The following RALGAPA2 variants were observed in gnomAD, a reference collection of about 807,000 sequenced individuals.
RALGAPA2 encodes ral GTPase-activating protein subunit alpha-2.
A neutral mutation model predicts 230.4 loss-of-function variants in RALGAPA2; 139 were observed. The ratio of observed to expected loss-of-function variants is 0.60; its 90% CI spans 0.53 to 0.69. The LOEUF (loss-of-function observed/expected upper bound fraction) is 0.69, where lower values mean the gene tolerates loss of function less well. Ranked by LOEUF, RALGAPA2 falls within the 30% of genes least tolerant of loss-of-function variation. The pLI, the probability that RALGAPA2 is intolerant of heterozygous loss-of-function variation, is 0.00. For missense variants in RALGAPA2, 2,163 were observed against 2,276.0 expected, an observed-to-expected ratio of 0.95 and a Z score of 1.01; for synonymous variants, 847 against 837.8, an observed-to-expected ratio of 1.01 and a Z score of -0.19.
intron 37 of RALGAPA2, among the ~76,000 whole-genome samples, chr20:20,468,369 G>A (rs958485140): frequency 1.3e-5 from 2 of 152,142 alleles, no homozygotes; most frequent in Non-Finnish European, 2.9e-5. Flanking sequence ...TCTGGCTGCC[G>A]CTCTTCAATG....
intron 21 of RALGAPA2, 89 bp downstream of exon 21, chr20:20,572,786 G>T: frequency 9.0e-7 from 1 of 1,116,558 alleles, no homozygotes; most frequent in Non-Finnish European, 1.2e-6. Flanking sequence ...TTCGGAATAT[G>T]TTCAGTAGTT....
intron 14 of RALGAPA2, 63 bp downstream of exon 14, chr20:20,611,252 C>A: frequency 6.6e-7 from 1 of 1,512,538 alleles, no homozygotes; most frequent in Non-Finnish European, 8.8e-7. Context: ...ATGATTAAAA[C>A]TAGTTTGCTA....
chr20:20,466,852 A>G (rs1299386477), intron 37 of RALGAPA2, among the ~76,000 whole-genome samples: 1 of 152,224 alleles, frequency 6.6e-6, no homozygotes, highest in Non-Finnish European at 1.5e-5. Flanking sequence ...AGCCCAGTAC[A>G]TAACGTTACA....
chr20:20,477,609 A>G (rs2061680954), intron 36 of RALGAPA2, among the ~76,000 whole-genome samples: 1 of 152,188 alleles, frequency 6.6e-6, no homozygotes, highest in East Asian at 1.9e-4. Context: ...TTTTGGAGAC[A>G]GAGTCTCACT....
intron 37 of RALGAPA2, among the ~76,000 whole-genome samples, chr20:20,417,904 C>T (rs1056869625): frequency 6.6e-6 from 1 of 152,178 alleles, no homozygotes; most frequent in Non-Finnish European, 1.5e-5. Flanking sequence ...AAATTATACA[C>T]AGATTTAGAA....
At chr20:20,436,538 T>C (rs569122768) in intron 37 of RALGAPA2, among the ~76,000 whole-genome samples, 3 of 152,208 alleles carry the variant, frequency 2.0e-5, no homozygotes, top group African/African-American at 7.2e-5. Context: ...GACGGCAAAG[T>C]GTCCCTGCCA....
At chr20:20,661,723 C>T (rs1319451951) in intron 3 of RALGAPA2, among the ~76,000 whole-genome samples, 1 of 152,000 alleles carries the variant, frequency 6.6e-6, no homozygotes, top group African/African-American at 2.4e-5. Flanking sequence ...ATTCCCCTAC[C>T]GAAGACCAAG....
chr20:20,616,045 T>C lies in RALGAPA2; in HGVS notation c.1686A>G (p.Thr562=), dbSNP rs927925708. 6.7e-7 allele frequency: 1 copy of C among 1,494,006 alleles called. No individual in the cohort carries two copies. The highest frequency in any genetic ancestry group is 1.4e-5 in the African/African-American group (1 of 70,720). 92.5% of individuals were successfully genotyped at this position (1,494,006 alleles called of 1,614,324 possible). ...MIMELTMNKK[T]WEQMLQILLR... ...TAATTAATTTGATATAAACTTACCA[T>C]GTCTTTTTATTCATTGTAAGCTCCA... The change falls in exon 13 of 40, where the codon ACA becomes ACG. Residue 562 remains threonine, a splice_region_variant and synonymous_variant. Transcript: ENST00000202677.
At position 20,392,939 on chromosome 20, in the gene RALGAPA2, G is replaced by A. The variant is rs2122580615; in HGVS notation, c.*350C>T. 1 of 593,508 alleles carries A rather than the reference G, an allele frequency of 1.7e-6. No individual in the cohort carries two copies. The highest frequency in any genetic ancestry group is 2.5e-6 in the Non-Finnish European group (1 of 392,170). The allele number at this position is 593,508 out of a possible 1,614,324, so 36.8% of individuals were successfully genotyped here. A position where few individuals can be genotyped will look rare whatever the true frequency, so the allele number is the denominator to read the frequency against. On this transcript the variant is annotated 3_prime_UTR_variant, in exon 40 of 40. Transcript: ENST00000202677. ...TCATCTGCCCAGAGCAGCCACACCA[G>A]TGCCCACGTGTCAGTGGGTTCATCT...
chr20:20,632,979 A>G (rs1307147666), intron 9 of RALGAPA2, among the ~76,000 whole-genome samples: 2 of 151,718 alleles, frequency 1.3e-5, no homozygotes, highest in Non-Finnish European at 2.9e-5. Context: ...AATAAAGTCA[A>G]ACCTCATTTC....
At chr20:20,426,678 A>C (rs192287857) in intron 37 of RALGAPA2, among the ~76,000 whole-genome samples, 1 of 152,288 alleles carries the variant, frequency 6.6e-6, no homozygotes, top group Admixed American at 6.5e-5. Context: ...AGAGATCATC[A>C]GCAACACACA....
rs114483064 is a variant in RALGAPA2 at position 20,515,849 on chromosome 20, C to G, written c.4085-2565G>C. On this transcript the variant is annotated intron_variant, in intron 31 of 39. Transcript: ENST00000202677. ...TTGACCAGAACCAATGGGAGTGGGG[C>G]GGGGGGGGCAGGGAAGTGCACTGCA... Among the ~76,000 whole-genome samples the G allele has an allele frequency of 8.8e-3, 1,122 of 126,974 alleles. 10 individuals are homozygous for G. The highest frequency in any genetic ancestry group is 0.031 in the African/African-American group (1,057 of 34,070). 83.3% of individuals were successfully genotyped at this position (126,974 alleles called of 152,430 possible).
At position 20,589,260 on chromosome 20, in the gene RALGAPA2, T is replaced by A; in HGVS notation, c.2439+8A>T. 1 of 1,549,184 alleles carries A rather than the reference T, an allele frequency of 6.5e-7. No individual in the cohort carries two copies. The highest frequency in any genetic ancestry group is 8.7e-7 in the Non-Finnish European group (1 of 1,146,052). On this transcript the variant is annotated splice_region_variant and intron_variant, in intron 18 of 39. Transcript: ENST00000202677. ...ATGACAAACTGAAATGGCTTGAAAA[T>A]ATCTTACTGTTATTCCTTCATGTTC...
intron 37 of RALGAPA2, among the ~76,000 whole-genome samples, chr20:20,425,096 T>C (rs890931311): frequency 2.0e-5 from 3 of 152,380 alleles, no homozygotes; most frequent in African/African-American, 7.2e-5. Context: ...AGGTTGATTC[T>C]AGAAATTAAA....
At position 20,573,087 on chromosome 20, in the gene RALGAPA2, C is replaced by T. The variant is rs1195424140; in HGVS notation, c.2708-19G>A. On this transcript the variant is annotated intron_variant, in intron 20 of 39. Coordinates refer to ENST00000202677, the MANE Select transcript of RALGAPA2 (RefSeq NM_020343.4). ...CTGCTATCTATGCAGAAAAACATGT[C>T]TGTTAACCCTGTAAACAATCTTGAT... is the stretch of plus-strand genomic sequence containing the variant. The T allele has an allele frequency of 1.9e-6, 3 of 1,563,852 alleles. No individual in the cohort carries two copies. The highest frequency in any genetic ancestry group is 2.6e-6 in the Non-Finnish European group (3 of 1,150,238).
intron 20 of RALGAPA2, among the ~76,000 whole-genome samples, chr20:20,580,645 G>A (rs1281667772): frequency 6.6e-6 from 1 of 152,154 alleles, no homozygotes; most frequent in African/African-American, 2.4e-5. Flanking sequence ...GGATCCGTGA[G>A]TATAAACTTC....
chr20:20,656,834 C>T lies in RALGAPA2; in HGVS notation c.271-3247G>A, dbSNP rs140381688. 2.0e-5 allele frequency among the ~76,000 whole-genome samples: 3 copies of T among 152,152 alleles called. No homozygotes were observed. In the East Asian group the frequency reaches 5.8e-4, roughly 29 times the overall value. ...AGCAAAGAGATTAGAACAAGAAATG[C>T]AAAGACTCTGGAACTGAGAATAAGA... On this transcript the variant is annotated intron_variant, in intron 3 of 39. Transcript: ENST00000202677.
At chr20:20,501,028 A>G (rs1265295486) in intron 35 of RALGAPA2, among the ~76,000 whole-genome samples, 1 of 152,230 alleles carries the variant, frequency 6.6e-6, no homozygotes, top group Non-Finnish European at 1.5e-5. Flanking sequence ...TGCTCTAAAC[A>G]GACGTGCTGT....
intron 3 of RALGAPA2, among the ~76,000 whole-genome samples, chr20:20,665,540 G>A (rs1229810950): frequency 6.6e-6 from 1 of 152,196 alleles, no homozygotes; most frequent in Non-Finnish European, 1.5e-5. Flanking sequence ...ATGCAAAAGG[G>A]AGACTGCAGT....
Sources: allele counts gnomAD v4.1 joint callset (sites outside exome capture counted in the v4.1 genomes callset), GRCh38; gene constraint gnomAD v4.1.1; transcripts MANE v1.5; gene names NCBI Gene and HGNC (gene_info 2026-07-23, HGNC 2026-07-21).